BBS2: variants seen among roughly 807,000 people sequenced by gnomAD.
BBS2 encodes the protein BBSome complex member BBS2.
A neutral mutation model predicts 83.0 loss-of-function variants in BBS2; 62 were observed. The observed-to-expected ratio is 0.75, with a 90% CI of 0.61 to 0.92. The LOEUF (loss-of-function observed/expected upper bound fraction) is 0.92, where lower values mean the gene tolerates loss of function less well. Among genes scored for constraint, BBS2 ranks in the 40% least tolerant of loss-of-function variants. The pLI is 0.00. For missense variants in BBS2, 784 were observed against 901.0 expected (o/e 0.87, Z 1.66); for synonymous variants, 303 against 326.1 (o/e 0.93, Z 0.76).
At chr16:56,514,961 G>A (rs566450463) in intron 1 of BBS2, among the ~76,000 whole-genome samples, 5 of 152,276 alleles carry the variant, frequency 3.3e-5, no homozygotes, top group East Asian at 1.9e-4. Context: ...CCACCAGCAG[G>A]ATGTCAAAGC....
At chr16:56,485,409 G>A (rs541112258) in intron 16 of BBS2, among the ~76,000 whole-genome samples, 181 bp downstream of exon 16, 3 of 152,204 alleles carry the variant, frequency 2.0e-5, no homozygotes, top group South Asian at 4.1e-4. Context: ...TTTGAAGTCC[G>A]GAGACAAAAG....
Position 56,484,601 on chromosome 16 carries a change from T to C in BBS2, c.*160A>G. On this transcript the variant is annotated 3_prime_UTR_variant, in exon 17 of 17. Coordinates refer to ENST00000245157, the MANE Select transcript of BBS2 (RefSeq NM_031885.5). ...CTGATTTAAAAATAGAAAGCAAGTC[T>C]ATCTTCACATGTAGTTCTTTGTCTT... The C allele has an allele frequency of 1.6e-6, 1 of 642,938 alleles. No homozygotes were observed. Among genetic ancestry groups the C allele is most frequent in the Admixed American group, 2.4e-5 (1 of 42,484 alleles). 39.8% of individuals were successfully genotyped at this position (642,938 alleles called of 1,614,324 possible).
chr16:56,509,750 T>G (rs1212992402), intron 5 of BBS2: 8 of 550,622 alleles, frequency 1.5e-5, no homozygotes, highest in Non-Finnish European at 2.3e-5. Flanking sequence ...TTTTCTCTAT[T>G]TAATCAGTCT....
chr16:56,505,061 C>A (rs1029442623), intron 7 of BBS2, among the ~76,000 whole-genome samples: 1 of 152,194 alleles, frequency 6.6e-6, no homozygotes, highest in Non-Finnish European at 1.5e-5. Flanking sequence ...GCCTCCAGAA[C>A]TATAAGAAAT....
chr16:56,480,354 AAAAAAAAAAAAC>A (rs1163280289), downstream of BBS2, among the ~76,000 whole-genome samples: 6 of 101,132 alleles, frequency 5.9e-5, no homozygotes, highest in South Asian at 2.8e-4. Flanking sequence ...CACACACACA[AAAAAAAAAAAAC>A]AAAAAAAAAA....
intron 5 of BBS2, among the ~76,000 whole-genome samples, chr16:56,508,216 T>C (rs1420675720): frequency 6.6e-6 from 1 of 152,220 alleles, no homozygotes; most frequent in Admixed American, 6.5e-5. Context: ...TTTTGTCTCC[T>C]TTTATAGTTA....
Position 56,502,657 on chromosome 16 carries a change from T to G in BBS2, c.940+16A>C. 6.2e-7 allele frequency: 1 copy of G among 1,614,174 alleles called. No homozygotes were observed. The highest frequency in any genetic ancestry group is 1.1e-5 in the South Asian group (1 of 91,074). On this transcript the variant is annotated intron_variant, in intron 8 of 16. Transcript: ENST00000245157. ...GAAAACGTGACTTTTTAAGGATTTTTCTCATCCCAATTTACTTTCCCCATC... is the reference window on the plus strand; with the variant it reads ...GAAAACGTGACTTTTTAAGGATTTTGCTCATCCCAATTTACTTTCCCCATC...
intron 17 of BBS2, chr16:56,477,708 A>G (rs1963542806): frequency 6.6e-6 from 1 of 152,138 alleles, no homozygotes; most frequent in Admixed American, 6.5e-5. Flanking sequence ...ATTCCATCCC[A>G]ATAGAGTCTT....
At chr16:56,497,316 C>T in intron 14 of BBS2, 1 of 568,168 alleles carries the variant, frequency 1.8e-6, no homozygotes. Context: ...CACCAGGAGC[C>T]CCCACAACAC....
downstream of BBS2, among the ~76,000 whole-genome samples, chr16:56,481,300 C>T (rs1963658155): frequency 6.6e-6 from 1 of 151,920 alleles, no homozygotes; most frequent in Non-Finnish European, 1.5e-5. Context: ...GGCACTGGCT[C>T]AGCACTGGGG....
chr16:56,500,781 A>G, intron 11 of BBS2, 73 bp downstream of exon 11: 10 of 1,501,492 alleles, frequency 6.7e-6, no homozygotes, highest in South Asian at 1.1e-5. Flanking sequence ...TCCACTGGGC[A>G]TATGGAAAAT....
chr16:56,502,861 A>T, intron 7 of BBS2, 53 bp from the exon 8 acceptor site: 1 of 1,600,582 alleles, frequency 6.2e-7, no homozygotes, highest in Non-Finnish European at 8.5e-7. Context: ...TTTAAAAACC[A>T]CAAAATTTAA....
At position 56,514,692 on chromosome 16, in the gene BBS2, ATAAC is replaced by A. The variant is rs758674101; in HGVS notation, c.118-16_118-13del. Reference sequence around the variant, plus strand: ...TTATGAATAAAAACCTGAAACAAAAATAACTAATTACATTCCCTTAAAATATAAA... The same window carrying A: ...TTATGAATAAAAACCTGAAACAAAAATAATTACATTCCCTTAAAATATAAA... On this transcript the variant is annotated splice_polypyrimidine_tract_variant and intron_variant, in intron 1 of 16. Transcript: ENST00000245157. The A allele has an allele frequency of 3.8e-6, 6 of 1,581,020 alleles. No individual in the cohort carries two copies. Among genetic ancestry groups the A allele is most frequent in the Non-Finnish European group, 5.2e-6 (6 of 1,150,888 alleles).
chr16:56,488,635 G>A (rs1963854920), intron 15 of BBS2, among the ~76,000 whole-genome samples: 1 of 152,182 alleles, frequency 6.6e-6, no homozygotes, highest in Admixed American at 6.5e-5. Context: ...GTCCCTTTGG[G>A]TTTTGATGGA....
intron 5 of BBS2, chr16:56,509,605 T>C (rs1401287631): frequency 8.1e-6 from 2 of 246,424 alleles, no homozygotes; most frequent in East Asian, 1.9e-4. Flanking sequence ...GGATTCAATA[T>C]GTTACTTCAT....
Position 56,484,908 on chromosome 16 carries a change from C to T in BBS2, c.2060-41G>A, listed in dbSNP as rs1555520152. On this transcript the variant is annotated intron_variant, in intron 16 of 16. Coordinates refer to ENST00000245157, the MANE Select transcript of BBS2 (RefSeq NM_031885.5). Reference sequence around the variant, plus strand: ...CATCAGGAACCAAAAGATTGTTAGACATGAAATTATAAAATTAGACGTCAG... The same window carrying T: ...CATCAGGAACCAAAAGATTGTTAGATATGAAATTATAAAATTAGACGTCAG... The T allele has an allele frequency of 9.5e-6, 14 of 1,475,898 alleles. No homozygotes were observed. The South Asian group carries it at 1.6e-4, about 17-fold the overall frequency. 91.4% of individuals were successfully genotyped at this position (1,475,898 alleles called of 1,614,324 possible). A position where few individuals can be genotyped will look rare whatever the true frequency, so the allele number is the denominator to read the frequency against.
intron 17 of BBS2, chr16:56,476,446 T>C: frequency 6.4e-6 from 2 of 312,720 alleles, no homozygotes; most frequent in Non-Finnish European, 1.2e-5. Flanking sequence ...CATTTAGTCC[T>C]TTTTCCATAT....
chr16:56,510,795 G>A (rs376196590), intron 4 of BBS2, 64 bp downstream of exon 4: 31 of 1,555,778 alleles, frequency 2.0e-5, no homozygotes, highest in Non-Finnish European at 2.8e-5. Flanking sequence ...CAACACTAAT[G>A]TCACTGTCAT....
chr16:56,501,513 C>T lies in BBS2; in HGVS notation c.1081-16G>A, dbSNP rs1245078045. 4 of 1,614,090 alleles carry T rather than the reference C, an allele frequency of 2.5e-6. No individual in the cohort carries two copies. Among genetic ancestry groups the T allele is most frequent in the Admixed American group, 3.3e-5 (2 of 60,024 alleles). On this transcript the variant is annotated splice_polypyrimidine_tract_variant and intron_variant, in intron 9 of 16. Transcript: ENST00000245157. ...CCAATTCAGCCTGCAAAACACCCCA[C>T]CCATTTCCTACTCAGTCACCAAAAC...
Sources: allele counts gnomAD v4.1 joint callset (sites outside exome capture counted in the v4.1 genomes callset), GRCh38; gene constraint gnomAD v4.1.1; transcripts MANE v1.5; gene names NCBI Gene and HGNC (gene_info 2026-07-23, HGNC 2026-07-21).